GABRA3: variants seen among roughly 807,000 people sequenced by gnomAD.
The protein encoded by GABRA3 is gamma-aminobutyric acid type A receptor subunit alpha3.
In GABRA3, 10 loss-of-function variants were observed where a neutral mutation model predicts 30.1. The ratio of observed to expected loss-of-function variants is 0.33; its 90% CI spans 0.20 to 0.56. The LOEUF (loss-of-function observed/expected upper bound fraction) is 0.56. Ranked by LOEUF, GABRA3 falls within the 20% of genes least tolerant of loss-of-function variation. The probability of loss-of-function intolerance (pLI) is 0.89; values close to 1 mark genes in which losing one functional copy is unlikely to be tolerated. For synonymous variants in GABRA3, 151 were observed against 146.8 expected, an observed-to-expected ratio of 1.03 and a Z score of -0.21; for missense variants, 233 against 392.0, an observed-to-expected ratio of 0.59 and a Z score of 3.42.
chrX:152,306,825 C>A (rs948204322), intron 3 of GABRA3, among the ~76,000 whole-genome samples: 1 of 111,831 alleles, frequency 8.9e-6, no homozygotes, highest in Non-Finnish European at 1.9e-5. Flanking sequence ...AGAATCTGCT[C>A]TTTTAATTTT....
chrX:152,434,416 A>G (rs1228502501), intron 1 of GABRA3, among the ~76,000 whole-genome samples: 5 of 111,027 alleles, frequency 4.5e-5, no homozygotes. Flanking sequence ...GGGACCTTGT[A>G]ATCATGGAAG....
rs186313779 is a variant in GABRA3 at position 152,366,662 on chromosome X, A to G, written c.-26-2066T>C. Among the ~76,000 whole-genome samples, 6 of 112,708 alleles carry G rather than the reference A, an allele frequency of 5.3e-5. No individual in the cohort carries two copies. In the East Asian group the frequency reaches 1.7e-3, roughly 32 times the overall value. ...AATAAAATGTCTGTGACAGTGAAAC[A>G]AAGAGCCTTCAAAAATGATCACACA... On this transcript the variant is annotated intron_variant, in intron 1 of 9. Coordinates refer to ENST00000370314, the MANE Select transcript of GABRA3 (RefSeq NM_000808.4).
At chrX:152,296,446 A>G (rs1939529324) in intron 3 of GABRA3, among the ~76,000 whole-genome samples, 2 of 111,404 alleles carry the variant, frequency 1.8e-5, no homozygotes, top group South Asian at 7.5e-4. Context: ...ATAGATAAAC[A>G]CTCTGGAAGA....
At chrX:152,335,319 A>G (rs1009758083) in intron 3 of GABRA3, among the ~76,000 whole-genome samples, 8 of 111,915 alleles carry the variant, frequency 7.1e-5, no homozygotes, top group Non-Finnish European at 1.5e-4. Context: ...CCCAAGAGAG[A>G]AGCAGACCAT....
At chrX:152,305,352 C>T (rs1041467889) in intron 3 of GABRA3, among the ~76,000 whole-genome samples, 1 of 109,260 alleles carries the variant, frequency 9.2e-6, no homozygotes, top group African/African-American at 3.3e-5. Flanking sequence ...CAACAGAAGC[C>T]CAAACCTCAG....
intron 4 of GABRA3, among the ~76,000 whole-genome samples, chrX:152,275,080 TATA>T (rs1302931256): frequency 3.4e-5 from 3 of 89,412 alleles, no homozygotes; most frequent in African/African-American, 1.2e-4. Context: ...TATTCATATA[TATA>T]ATAAATGTAT....
chrX:152,195,560 C>CTAT (rs1937374701), intron 8 of GABRA3, among the ~76,000 whole-genome samples: 1 of 112,041 alleles, frequency 8.9e-6, no homozygotes, highest in Non-Finnish European at 1.9e-5. Context: ...AAGGAATAAT[C>CTAT]TATTACCTTT....
chrX:152,431,460 T>C (rs1182108020), intron 1 of GABRA3, among the ~76,000 whole-genome samples: 1 of 112,140 alleles, frequency 8.9e-6, no homozygotes, highest in Non-Finnish European at 1.9e-5. Context: ...AAGACAATTA[T>C]TCCAGTGAAA....
chrX:152,389,466 C>A, intron 1 of GABRA3: 1 of 113,490 alleles, frequency 8.8e-6, no homozygotes. Context: ...GGCACATTCC[C>A]AGACAACCAT....
intron 1 of GABRA3, among the ~76,000 whole-genome samples, chrX:152,377,877 T>G: frequency 9.0e-6 from 1 of 111,645 alleles, no homozygotes; most frequent in Middle Eastern, 4.6e-3. Context: ...GTGTATCTTC[T>G]TCAAACCCCA....
At chrX:152,212,631 T>C (rs1392486465) in intron 6 of GABRA3, among the ~76,000 whole-genome samples, 2 of 111,619 alleles carry the variant, frequency 1.8e-5, no homozygotes, top group Non-Finnish European at 1.9e-5. Context: ...TTGGTGTCAG[T>C]GACCCATAGG....
At chrX:152,317,147 C>A (rs1366140917) in intron 3 of GABRA3, among the ~76,000 whole-genome samples, 1 of 111,503 alleles carries the variant, frequency 9.0e-6, no homozygotes, top group African/African-American at 3.3e-5. Flanking sequence ...CAAATTGACA[C>A]CAAAAGTGAG....
At chrX:152,440,023 G>A (rs978878659) in intron 1 of GABRA3, among the ~76,000 whole-genome samples, 1 of 111,853 alleles carries the variant, frequency 8.9e-6, no homozygotes, top group Non-Finnish European at 1.9e-5. Context: ...ATTGACAAAG[G>A]GGATCTAATT....
At chrX:152,325,478 G>C (rs762648365) in intron 3 of GABRA3, among the ~76,000 whole-genome samples, 1 of 111,496 alleles carries the variant, frequency 9.0e-6, no homozygotes, top group East Asian at 2.8e-4. Context: ...ATACAGCCAG[G>C]TGCCCCTCTG....
Position 152,262,815 on chromosome X carries a change from T to C in GABRA3, c.331-6817A>G, listed in dbSNP as rs750174935. On this transcript the variant is annotated intron_variant, in intron 4 of 9. Transcript: ENST00000370314. ...CAGTTCCAAAGTCTCTTCCACATTT[T>C]CAGGCATCTTTACAACAGTGCCCGA... Among the ~76,000 whole-genome samples, 17 of 111,971 alleles carry C rather than the reference T, an allele frequency of 1.5e-4. No homozygotes were observed. In the South Asian group the frequency reaches 6.4e-3, roughly 42 times the overall value.
intron 1 of GABRA3, among the ~76,000 whole-genome samples, chrX:152,383,492 A>G (rs1460451559): frequency 9.1e-6 from 1 of 109,886 alleles, no homozygotes; most frequent in African/African-American, 3.3e-5. Flanking sequence ...AACATTAGCA[A>G]AGCAAATTCA....
At chrX:152,198,684 T>C (rs1332750596) in intron 7 of GABRA3, among the ~76,000 whole-genome samples, 1 of 112,044 alleles carries the variant, frequency 8.9e-6, no homozygotes, top group Non-Finnish European at 1.9e-5. Context: ...TCTCCTTTCC[T>C]GTTCCTTTTA....
chrX:152,419,220 A>C (rs1033346413), intron 1 of GABRA3, among the ~76,000 whole-genome samples: 27 of 111,348 alleles, frequency 2.4e-4, no homozygotes, highest in African/African-American at 7.5e-4. Flanking sequence ...TCTGCACACC[A>C]ACATGGCACA....
intron 9 of GABRA3, among the ~76,000 whole-genome samples, chrX:152,183,663 T>G (rs1370950430): frequency 9.0e-6 from 1 of 111,624 alleles, no homozygotes; most frequent in East Asian, 2.8e-4. Flanking sequence ...TTGAGATCTT[T>G]ATTCTTTTTT....
Sources: allele counts gnomAD v4.1 joint callset (sites outside exome capture counted in the v4.1 genomes callset), GRCh38; gene constraint gnomAD v4.1.1; transcripts MANE v1.5; gene names NCBI Gene and HGNC (gene_info 2026-07-23, HGNC 2026-07-21).